Variants in VEPH1 observed in about 807,000 individuals in gnomAD.
VEPH1 encodes the protein ventricular zone-expressed PH domain-containing protein homolog 1.
In VEPH1, 80 loss-of-function variants were observed where a neutral mutation model predicts 85.2. The ratio of observed to expected loss-of-function variants is 0.94; its 90% confidence interval spans 0.78 to 1.13. The LOEUF (loss-of-function observed/expected upper bound fraction) is 1.13, where lower values mean the gene tolerates loss of function less well. Ranked by LOEUF, VEPH1 falls within the 50% of genes most tolerant of loss-of-function variation. VEPH1 has a pLI of 0.00. For synonymous variants in VEPH1, 297 were observed against 348.0 expected (o/e 0.85, Z 1.63); for missense variants, 955 against 980.5 (o/e 0.97, Z 0.35).
At position 157,501,462 on chromosome 3, in the gene VEPH1, T is replaced by C. The variant is rs371440172; in HGVS notation, c.-158+1815A>G. Among the ~76,000 whole-genome samples, 34 of 152,322 alleles carry C rather than the reference T, an allele frequency of 2.2e-4. No individual in the cohort carries two copies. The East Asian group carries it at 6.4e-3, about 29-fold the overall frequency. On this transcript the variant is annotated intron_variant, in intron 1 of 13. Transcript: ENST00000362010. ...TTTTCCATGGAAGTGTAGCACTCCT[T>C]CCCGTGTTTATTAGTGAGAAAGGAG...
chr3:157,483,887 T>C (rs947927830), intron 2 of VEPH1, among the ~76,000 whole-genome samples: 3 of 152,174 alleles, frequency 2.0e-5, no homozygotes, highest in African/African-American at 7.2e-5. Flanking sequence ...ATAAATATCA[T>C]TTCTAAAAGG....
chr3:157,264,807 G>A (rs1275946659), intron 13 of VEPH1, among the ~76,000 whole-genome samples: 1 of 152,172 alleles, frequency 6.6e-6, no homozygotes, highest in East Asian at 1.9e-4. Flanking sequence ...CCAAGAAGTA[G>A]GTCAAGATTT....
At chr3:157,381,451 TC>T in intron 6 of VEPH1, 75 bp from the exon 7 acceptor site, 1 of 1,486,894 alleles carries the variant, frequency 6.7e-7, no homozygotes, top group Non-Finnish European at 9.3e-7. Context: ...ATGCCTGTAA[TC>T]CCAGCACTTT....
chr3:157,398,770 C>A (rs1228610004), intron 6 of VEPH1, among the ~76,000 whole-genome samples: 1 of 151,938 alleles, frequency 6.6e-6, no homozygotes, highest in Non-Finnish European at 1.5e-5. Flanking sequence ...GCCACTGATA[C>A]CTCACGCACC....
At chr3:157,306,922 C>G (rs1719572334) in intron 11 of VEPH1, among the ~76,000 whole-genome samples, 1 of 152,056 alleles carries the variant, frequency 6.6e-6, no homozygotes, top group African/African-American at 2.4e-5. Flanking sequence ...TTAGCTCCCA[C>G]TTACAAGTGA....
intron 6 of VEPH1, among the ~76,000 whole-genome samples, chr3:157,405,140 G>T (rs1302679178): frequency 6.6e-6 from 1 of 152,090 alleles, no homozygotes; most frequent in Non-Finnish European, 1.5e-5. Context: ...TTTGATCCTG[G>T]TCTTGCAGAC....
At chr3:157,438,167 T>C (rs913910471) in intron 4 of VEPH1, among the ~76,000 whole-genome samples, 1 of 151,836 alleles carries the variant, frequency 6.6e-6, no homozygotes, top group Non-Finnish European at 1.5e-5. Flanking sequence ...TAAGGAGCCC[T>C]AAAGAGAGTT....
intron 9 of VEPH1, 128 bp downstream of exon 9, chr3:157,363,236 A>G: frequency 1.1e-6 from 1 of 896,456 alleles, no homozygotes; most frequent in Non-Finnish European, 1.6e-6. Context: ...AATGTAAGGT[A>G]TTTAAAAAAA....
At chr3:157,335,009 C>T (rs915124190) in intron 9 of VEPH1, among the ~76,000 whole-genome samples, 5 of 152,172 alleles carry the variant, frequency 3.3e-5, no homozygotes, top group Admixed American at 2.6e-4. Context: ...GTGCTAACTA[C>T]ACTACAGACT....
At chr3:157,364,273 G>T in intron 8 of VEPH1, 30 bp downstream of exon 8, 1 of 1,490,070 alleles carries the variant, frequency 6.7e-7, no homozygotes, top group Non-Finnish European at 9.1e-7. Context: ...TGAAGTGTAT[G>T]ATTTAAAAAA....
At chr3:157,385,369 A>G (rs1729187133) in intron 6 of VEPH1, among the ~76,000 whole-genome samples, 1 of 152,112 alleles carries the variant, frequency 6.6e-6, no homozygotes, top group South Asian at 2.1e-4. Flanking sequence ...TATATACAAA[A>G]TAGATCAGCA....
rs1735802950 is a variant in VEPH1 at position 157,460,885 on chromosome 3, AGG to A, written c.355-532_355-531del. Among the ~76,000 whole-genome samples the A allele has an allele frequency of 2.0e-5, 3 of 152,108 alleles. No individual in the cohort carries two copies. The South Asian group carries it at 6.2e-4, about 32-fold the overall frequency. On this transcript the variant is annotated intron_variant, in intron 3 of 13. Coordinates refer to ENST00000362010, the MANE Select transcript of VEPH1 (RefSeq NM_001167912.2). ...GAGGGGAGAGACGGGGCAGGTAAAC[AGG>A]GGCATGATTATGAAAGGTCCGGCAT...
chr3:157,371,288 G>T (rs944988102), intron 7 of VEPH1, among the ~76,000 whole-genome samples: 1 of 152,166 alleles, frequency 6.6e-6, no homozygotes, highest in Admixed American at 6.5e-5. Flanking sequence ...CTTGAAATAT[G>T]AATTCTGAGC....
chr3:157,265,366 A>G (rs530419805), intron 13 of VEPH1, among the ~76,000 whole-genome samples, 160 bp downstream of exon 13: 2 of 152,374 alleles, frequency 1.3e-5, no homozygotes, highest in Admixed American at 1.3e-4. Context: ...ACATAGGAAT[A>G]AACAGACTAG....
intron 10 of VEPH1, among the ~76,000 whole-genome samples, chr3:157,314,174 TA>T (rs1272429429): frequency 2.7e-5 from 4 of 149,770 alleles, no homozygotes; most frequent in African/African-American, 9.8e-5. Context: ...CTACTAAAAA[TA>T]AAAAAAAATT....
intron 12 of VEPH1, among the ~76,000 whole-genome samples, chr3:157,268,689 A>G (rs1239680330): frequency 2.0e-5 from 3 of 152,186 alleles, no homozygotes; most frequent in African/African-American, 4.8e-5. Context: ...AGCAAAGCAC[A>G]AGGCACTGCT....
chr3:157,380,663 G>A (rs1728658232), intron 7 of VEPH1, among the ~76,000 whole-genome samples: 1 of 152,100 alleles, frequency 6.6e-6, no homozygotes, highest in African/African-American at 2.4e-5. Flanking sequence ...CTCTATCTCT[G>A]TATTTTCCAT....
intron 7 of VEPH1, 87 bp downstream of exon 7, chr3:157,381,069 T>C: frequency 7.3e-7 from 1 of 1,374,500 alleles, no homozygotes; most frequent in Non-Finnish European, 1.0e-6. Flanking sequence ...TTTAGCTTCC[T>C]TTGGAAGTTA....
intron 11 of VEPH1, among the ~76,000 whole-genome samples, chr3:157,309,048 T>C (rs1719819357): frequency 6.6e-6 from 1 of 152,132 alleles, no homozygotes; most frequent in African/African-American, 2.4e-5. Flanking sequence ...TTTCAAATAG[T>C]ATACTCCTTA....
Sources: gnomAD v4.1 joint callset for allele counts (sites outside exome capture counted in the v4.1 genomes callset) on GRCh38, gnomAD v4.1.1 for gene constraint, MANE v1.5 for transcripts, NCBI Gene and HGNC (gene_info 2026-07-23, HGNC 2026-07-21) for gene names.